The following CRYL1 variants were observed in gnomAD, a reference collection of about 807,000 sequenced individuals.
CRYL1 encodes the protein crystallin lambda 1.
In CRYL1, 29 loss-of-function variants were observed where a neutral mutation model predicts 36.6. The observed-to-expected ratio is 0.79, with a 90% CI of 0.59 to 1.08. The LOEUF (loss-of-function observed/expected upper bound fraction) is 1.08. Ranked by LOEUF, CRYL1 falls within the 50% of genes least tolerant of loss-of-function variation. The pLI, the probability that CRYL1 is intolerant of heterozygous loss-of-function variation, is 0.00. For missense variants in CRYL1, 411 were observed against 407.9 expected, an observed-to-expected ratio of 1.01 and a Z score of -0.06; for synonymous variants, 152 against 151.5, an observed-to-expected ratio of 1.00 and a Z score of -0.02.
chr13:20,495,020 G>A (rs1179127442), intron 2 of CRYL1, among the ~76,000 whole-genome samples: 3 of 152,338 alleles, frequency 2.0e-5, no homozygotes, highest in Middle Eastern at 6.8e-3. Flanking sequence ...TCCGACATCT[G>A]CAGACAGACC....
intron 3 of CRYL1, among the ~76,000 whole-genome samples, chr13:20,456,104 A>G (rs2032675944): frequency 6.6e-6 from 1 of 152,228 alleles, no homozygotes; most frequent in Non-Finnish European, 1.5e-5. Context: ...TCATAGCCAT[A>G]CATGTACAAT....
chr13:20,454,500 C>T (rs1221207013), intron 3 of CRYL1, among the ~76,000 whole-genome samples: 1 of 150,288 alleles, frequency 6.7e-6, no homozygotes, highest in Non-Finnish European at 1.5e-5. Context: ...TCACTGCAAG[C>T]TCCGCCTCTG....
chr13:20,492,584 C>A (rs1485865424), intron 2 of CRYL1, among the ~76,000 whole-genome samples: 2 of 152,160 alleles, frequency 1.3e-5, no homozygotes, highest in East Asian at 3.9e-4. Context: ...AACCCTGCCC[C>A]ACCTGTTTCT....
Position 20,420,701 on chromosome 13 carries a change from T to TTTTTTTTTTTTTTTTTTTGTGTGTG in CRYL1, c.634-7315_634-7314insCACACACAAAAAAAAAAAAAAAAAA. Among the ~76,000 whole-genome samples the TTTTTTTTTTTTTTTTTTTGTGTGTG allele has an allele frequency of 1.8e-4, 4 of 21,840 alleles. 1 individual carries two copies. Among genetic ancestry groups the TTTTTTTTTTTTTTTTTTTGTGTGTG allele is most frequent in the Non-Finnish European group, 5.5e-4 (4 of 7,326 alleles). The allele number at this position is 21,840 out of a possible 152,430, so 14.3% of individuals were successfully genotyped here. A position where few individuals can be genotyped will look rare whatever the true frequency, so the allele number is the denominator to read the frequency against. ...CTTTGACTTTTCTTTAAAATAGAGG[T>TTTTTTTTTTTTTTTTTTTGTGTGTG]TGTGTGTGTGTGTGTGTGTGTGTGT... On this transcript the variant is annotated intron_variant, in intron 5 of 7. Coordinates refer to ENST00000298248, the MANE Select transcript of CRYL1 (RefSeq NM_015974.3).
intron 2 of CRYL1, among the ~76,000 whole-genome samples, chr13:20,507,681 G>A (rs1038229221): frequency 3.3e-5 from 5 of 152,218 alleles, no homozygotes; most frequent in Admixed American, 6.5e-5. Flanking sequence ...CACTTTGGGA[G>A]GCCAAGGCAG....
intron 3 of CRYL1, among the ~76,000 whole-genome samples, chr13:20,485,233 G>T (rs1344616829): frequency 1.3e-5 from 2 of 152,146 alleles, no homozygotes. Context: ...TGCCCAAGCT[G>T]GTCTTGAACT....
In CRYL1 at chr13:20,413,404, G is replaced by A. The variant is rs1565955821; in HGVS notation, c.634-17C>T. 1 of 1,540,308 alleles carries A rather than the reference G, an allele frequency of 6.5e-7. No individual in the cohort carries two copies. Among genetic ancestry groups the A allele is most frequent in the African/African-American group, 1.4e-5 (1 of 73,230 alleles). On this transcript the variant is annotated splice_polypyrimidine_tract_variant and intron_variant, in intron 5 of 7. Coordinates refer to ENST00000298248, the MANE Select transcript of CRYL1 (RefSeq NM_015974.3). Reference sequence around the variant, plus strand: ...GATTCCTTCCTACGTGGAGAAATTGGGCGGCATAGATGAGTTTTGTAAAAA... The same window carrying A: ...GATTCCTTCCTACGTGGAGAAATTGAGCGGCATAGATGAGTTTTGTAAAAA...
intron 2 of CRYL1, among the ~76,000 whole-genome samples, chr13:20,507,689 C>T (rs1044028756): frequency 5.1e-4 from 77 of 151,834 alleles, no homozygotes; most frequent in Non-Finnish European, 6.6e-4. Context: ...GAGGCCAAGG[C>T]AGGCGGATCA....
chr13:20,426,263 G>C (rs1432266008), intron 5 of CRYL1, among the ~76,000 whole-genome samples: 1 of 140,834 alleles, frequency 7.1e-6, no homozygotes, highest in Non-Finnish European at 1.5e-5. Context: ...AATTAAAAGT[G>C]AACTGTCTAT....
chr13:20,509,574 C>A (rs1275957240), intron 2 of CRYL1, among the ~76,000 whole-genome samples: 3 of 152,150 alleles, frequency 2.0e-5, no homozygotes, highest in Admixed American at 6.5e-5. Flanking sequence ...ATGCAGATGA[C>A]AAACATACGA....
intron 3 of CRYL1, among the ~76,000 whole-genome samples, chr13:20,474,733 C>A (rs1350200358): frequency 6.6e-6 from 1 of 152,152 alleles, no homozygotes; most frequent in Non-Finnish European, 1.5e-5. Context: ...ACACACACAA[C>A]CTTCCTCTCC....
chr13:20,501,617 G>A (rs1158445760), intron 2 of CRYL1, among the ~76,000 whole-genome samples: 1 of 152,230 alleles, frequency 6.6e-6, no homozygotes, highest in Non-Finnish European at 1.5e-5. Flanking sequence ...AGACATGGAA[G>A]ATCAGGTAAG....
rs144968033 is a variant in CRYL1, at chr13:20,492,707, T to A, written c.150-3211A>T. On this transcript the variant is annotated intron_variant, in intron 2 of 7. Transcript: ENST00000298248. ...TCTTGCCATTCTTAATTCAATTACA[T>A]CTGCAACGTCCCATTTGCCATGTAA... Among the ~76,000 whole-genome samples, 422 of 152,316 alleles carry A rather than the reference T, an allele frequency of 2.8e-3. 13 individuals carry two copies. The South Asian group carries it at 0.068, about 24-fold the overall frequency.
intron 3 of CRYL1, 123 bp downstream of exon 3, chr13:20,489,247 C>T (rs1438912786): frequency 1.7e-6 from 2 of 1,183,894 alleles, no homozygotes; most frequent in Non-Finnish European, 2.3e-6. Flanking sequence ...AAACAAAATC[C>T]TGCCCTTGAA....
intron 2 of CRYL1, among the ~76,000 whole-genome samples, chr13:20,496,919 T>C (rs1185106076): frequency 6.6e-6 from 1 of 151,254 alleles, no homozygotes; most frequent in Non-Finnish European, 1.5e-5. Context: ...ATATGCTAAT[T>C]TTTTGGAAAA....
intron 2 of CRYL1, among the ~76,000 whole-genome samples, chr13:20,500,606 G>GA (rs113146387): frequency 2.0e-5 from 3 of 152,296 alleles, no homozygotes; most frequent in African/African-American, 7.2e-5. Context: ...ATGTCTTTGT[G>GA]AAAGTGGTAG....
At chr13:20,460,270 T>C (rs368675748) in intron 3 of CRYL1, among the ~76,000 whole-genome samples, 1 of 152,202 alleles carries the variant, frequency 6.6e-6, no homozygotes, top group African/African-American at 2.4e-5. Flanking sequence ...TGTGTGTATA[T>C]ACATAGATAT....
chr13:20,505,795 T>A (rs112130104), intron 2 of CRYL1, among the ~76,000 whole-genome samples: 5,628 of 152,286 alleles, frequency 0.037, 257 homozygotes, highest in African/African-American at 0.11. Context: ...TTATACTTCT[T>A]GACAAAAGGA....
At chr13:20,434,377 C>A (rs2032155022) in intron 4 of CRYL1, among the ~76,000 whole-genome samples, 1 of 152,194 alleles carries the variant, frequency 6.6e-6, no homozygotes, top group African/African-American at 2.4e-5. Flanking sequence ...CTGTAAAACA[C>A]ATCAATCGGG....
Sources: allele counts gnomAD v4.1 joint callset (sites outside exome capture counted in the v4.1 genomes callset), GRCh38; gene constraint gnomAD v4.1.1; transcripts MANE v1.5; gene names NCBI Gene and HGNC (gene_info 2026-07-23, HGNC 2026-07-21).